Variants in SLC8A1 observed in about 807,000 individuals in gnomAD.
SLC8A1 encodes sodium/calcium exchanger 1.
In SLC8A1, 18 loss-of-function variants were observed where a neutral mutation model predicts 68.3. That is an observed-to-expected ratio of 0.26 (90% CI 0.18 to 0.39). The LOEUF is 0.39. Among genes scored for constraint, SLC8A1 ranks in the 10% least tolerant of loss-of-function variants. The pLI is 1.00. For synonymous variants in SLC8A1, 475 were observed against 415.5 expected (o/e 1.14, Z -1.74); for missense variants, 985 against 1,156.7 (o/e 0.85, Z 2.15).
At chr2:40,228,125 G>A (rs1390915321) in intron 2 of SLC8A1, among the ~76,000 whole-genome samples, 1 of 152,144 alleles carries the variant, frequency 6.6e-6, no homozygotes, top group African/African-American at 2.4e-5. Flanking sequence ...TGCAAGTGTT[G>A]ACAAATTCCT....
intron 1 of SLC8A1, among the ~76,000 whole-genome samples, chr2:40,447,513 A>G (rs1701660629): frequency 1.3e-5 from 2 of 150,374 alleles, no homozygotes; most frequent in Admixed American, 1.3e-4. Context: ...AACCTCTTTC[A>G]CATTCTCTGT....
chr2:40,292,144 A>G (rs1297266455), intron 2 of SLC8A1, among the ~76,000 whole-genome samples: 2 of 152,112 alleles, frequency 1.3e-5, no homozygotes, highest in Non-Finnish European at 2.9e-5. Flanking sequence ...GGGAGGAAAA[A>G]CTAAACCATG....
chr2:40,174,881 A>G (rs2048194955), intron 3 of SLC8A1, 39 bp from the exon 5 acceptor site: 3 of 1,586,320 alleles, frequency 1.9e-6, no homozygotes, highest in Non-Finnish European at 2.6e-6. Context: ...TTATAATTTG[A>G]CACTCTACAT....
At position 40,160,934 on chromosome 2, in the gene SLC8A1, G is replaced by A. The variant is rs1401908065; in HGVS notation, c.2062-70C>T. Reference sequence around the variant, plus strand: ...GCCTCAGGAAATCCAAGACCTTGTTGATTTTGAAACTCCAGAGTTATATAA... The same window carrying A: ...GCCTCAGGAAATCCAAGACCTTGTTAATTTTGAAACTCCAGAGTTATATAA... On this transcript the variant is annotated intron_variant, in intron 5 of 7. Coordinates refer to ENST00000406785, the Ensembl canonical transcript of SLC8A1. 4 of 1,136,236 alleles carry A rather than the reference G, an allele frequency of 3.5e-6. No individual in the cohort carries two copies. In the East Asian group the frequency reaches 9.4e-5, roughly 27 times the overall value. 70.4% of individuals were successfully genotyped at this position (1,136,236 alleles called of 1,614,324 possible). A position where few individuals can be genotyped will look rare whatever the true frequency, so the allele number is the denominator to read the frequency against.
At chr2:40,151,772 A>G (rs943669233) in intron 6 of SLC8A1, among the ~76,000 whole-genome samples, 1 of 152,212 alleles carries the variant, frequency 6.6e-6, no homozygotes, top group African/African-American at 2.4e-5. Flanking sequence ...TTTCTAGGGA[A>G]AAAAGCTTCT....
Position 40,412,062 on chromosome 2 carries a change from A to T in SLC8A1, c.1808+16411T>A, listed in dbSNP as rs116072240. On this transcript the variant is annotated intron_variant, in intron 2 of 7. Coordinates refer to ENST00000406785, the Ensembl canonical transcript of SLC8A1. ...CAGAGAGATATTAAATAACTAGCCC[A>T]ATATTACTTTCCAAATAAATATTTG... Among the ~76,000 whole-genome samples, 448 of 152,288 alleles carry T rather than the reference A, an allele frequency of 2.9e-3. 2 individuals are homozygous for T. Among genetic ancestry groups the T allele is most frequent in the African/African-American group, 0.01 (423 of 41,588 alleles).
intron 2 of SLC8A1, among the ~76,000 whole-genome samples, chr2:40,306,447 G>T (rs1197343887): frequency 7.4e-6 from 1 of 134,770 alleles, no homozygotes; most frequent in Non-Finnish European, 1.6e-5. Context: ...AAAAAGGAAT[G>T]GTTGTGGGGG....
intron 2 of SLC8A1, among the ~76,000 whole-genome samples, chr2:40,368,553 T>C (rs933903347): frequency 5.3e-5 from 8 of 152,078 alleles, no homozygotes; most frequent in African/African-American, 1.9e-4. Context: ...CAGAATTATC[T>C]TCCTCTTATT....
chr2:40,482,542 C>A (rs1211580297), intron 1 of SLC8A1, among the ~76,000 whole-genome samples: 4 of 152,056 alleles, frequency 2.6e-5, no homozygotes, highest in Non-Finnish European at 4.4e-5. Flanking sequence ...CCACCGATGA[C>A]AATTCATCCC....
At chr2:40,387,369 A>T (rs960929042) in intron 2 of SLC8A1, among the ~76,000 whole-genome samples, 3 of 151,464 alleles carry the variant, frequency 2.0e-5, no homozygotes, top group African/African-American at 7.4e-5. Flanking sequence ...TTCTATTCAC[A>T]CAGGGGTAGG....
chr2:40,493,282 G>A, intron 1 of SLC8A1, among the ~76,000 whole-genome samples: 1 of 145,550 alleles, frequency 6.9e-6, no homozygotes. Context: ...ACTCATAGGT[G>A]GGAATTGAAC....
At chr2:40,243,175 C>T (rs1003522796) in intron 2 of SLC8A1, among the ~76,000 whole-genome samples, 1 of 152,128 alleles carries the variant, frequency 6.6e-6, no homozygotes, top group African/African-American at 2.4e-5. Flanking sequence ...TGAGTTAATT[C>T]ACAACTTACC....
intron 3 of SLC8A1, among the ~76,000 whole-genome samples, chr2:40,176,981 T>C (rs534597133): frequency 6.6e-6 from 1 of 152,186 alleles, no homozygotes; most frequent in East Asian, 1.9e-4. Flanking sequence ...CTATGAAATA[T>C]ATGCCATATA....
At chr2:40,305,863 C>A (rs369559901) in intron 2 of SLC8A1, among the ~76,000 whole-genome samples, 2 of 152,150 alleles carry the variant, frequency 1.3e-5, no homozygotes, top group African/African-American at 2.4e-5. Context: ...TGAAACAGAC[C>A]GTTTGTACTG....
At chr2:40,291,662 C>A (rs1001964014) in intron 2 of SLC8A1, among the ~76,000 whole-genome samples, 4 of 152,090 alleles carry the variant, frequency 2.6e-5, no homozygotes, top group Admixed American at 6.6e-5. Flanking sequence ...AGAAGTACTG[C>A]TAAAATCACC....
chr2:40,308,471 T>G (rs2073077958), intron 2 of SLC8A1, among the ~76,000 whole-genome samples: 1 of 152,128 alleles, frequency 6.6e-6, no homozygotes, highest in African/African-American at 2.4e-5. Flanking sequence ...ACCAAAGACT[T>G]CGTGGTTTGA....
intron 2 of SLC8A1, among the ~76,000 whole-genome samples, chr2:40,252,058 T>G (rs908276076): frequency 6.6e-6 from 1 of 152,176 alleles, no homozygotes. Flanking sequence ...GAGCAAACAA[T>G]AAATGGTTAA....
chr2:40,430,351 TTAGAGC>T (rs1325793618), intron 1 of SLC8A1, 47 bp from the exon 2 acceptor site: 19 of 1,504,948 alleles, frequency 1.3e-5, no homozygotes, highest in Non-Finnish European at 1.7e-5. Flanking sequence ...AGTCATGTCA[TTAGAGC>T]TGCAGCCAAA....
chr2:40,443,227 A>T (rs1332433887), intron 1 of SLC8A1, among the ~76,000 whole-genome samples: 1 of 152,176 alleles, frequency 6.6e-6, no homozygotes, highest in African/African-American at 2.4e-5. Flanking sequence ...CCTATGTAAC[A>T]AACCTGAACA....
Sources: allele counts gnomAD v4.1 joint callset (sites outside exome capture counted in the v4.1 genomes callset), GRCh38; gene constraint gnomAD v4.1.1; transcripts MANE v1.5; gene names NCBI Gene and HGNC (gene_info 2026-07-23, HGNC 2026-07-21).